The following DDX59 variants were observed in gnomAD, a reference collection of about 807,000 sequenced individuals.
DDX59 encodes the protein probable ATP-dependent RNA helicase DDX59.
A neutral mutation model predicts 51.9 loss-of-function variants in DDX59; 30 were observed. The observed-to-expected ratio is 0.58, with a 90% CI of 0.43 to 0.78. DDX59 has a LOEUF of 0.78. DDX59 is among the 30% of genes least tolerant of loss of function. DDX59 has a pLI of 0.00. For synonymous variants in DDX59, 255 were observed against 253.3 expected (o/e 1.01, Z -0.06); for missense variants, 672 against 730.8 (o/e 0.92, Z 0.93).
chr1:200,660,814 C>T (rs373293102), intron 3 of DDX59, among the ~76,000 whole-genome samples: 4 of 152,132 alleles, frequency 2.6e-5, no homozygotes, highest in Non-Finnish European at 2.9e-5. Flanking sequence ...CAACCAAACA[C>T]GGACCAACAA....
chr1:200,645,127 G>T (rs1224624588), intron 7 of DDX59, among the ~76,000 whole-genome samples: 1 of 152,128 alleles, frequency 6.6e-6, no homozygotes, highest in Non-Finnish European at 1.5e-5. Context: ...GGTGTTGGGG[G>T]TAATGACATA....
Position 200,665,184 on chromosome 1 carries a change from G to A in DDX59, c.804+753C>T, listed in dbSNP as rs143464544. Among the ~76,000 whole-genome samples the A allele has an allele frequency of 5.3e-3, 804 of 152,248 alleles. 10 individuals carry two copies. Among genetic ancestry groups the A allele is most frequent in the African/African-American group, 0.018 (759 of 41,548 alleles). On this transcript the variant is annotated intron_variant, in intron 2 of 7. Coordinates refer to ENST00000331314, the MANE Select transcript of DDX59 (RefSeq NM_001031725.6). ...AAGAGTATATTTTGAGGCTAGGTGCGGTGGCTCATGCCTGCAATCCCAGCA... is the reference window on the plus strand; with the variant it reads ...AAGAGTATATTTTGAGGCTAGGTGCAGTGGCTCATGCCTGCAATCCCAGCA...
chr1:200,665,149 G>T (rs1007797713), intron 2 of DDX59, among the ~76,000 whole-genome samples: 6 of 152,178 alleles, frequency 3.9e-5, no homozygotes, highest in Non-Finnish European at 8.8e-5. Context: ...ATGAACCATA[G>T]ATCACATTTA....
chr1:200,643,572 G>A (rs779115957), downstream of DDX59, among the ~76,000 whole-genome samples: 1 of 152,184 alleles, frequency 6.6e-6, no homozygotes, highest in East Asian at 1.9e-4. Flanking sequence ...GAACCCAGGA[G>A]GCAGAGCTTG....
intron 4 of DDX59, among the ~76,000 whole-genome samples, chr1:200,655,833 A>ATT (rs879811363): frequency 5.9e-4 from 86 of 145,056 alleles, no homozygotes; most frequent in African/African-American, 1.9e-3. Flanking sequence ...ATACAGTCCA[A>ATT]TTTTTTTTTT....
chr1:200,657,475 T>C (rs995859965), intron 4 of DDX59, among the ~76,000 whole-genome samples: 2 of 151,526 alleles, frequency 1.3e-5, no homozygotes, highest in Non-Finnish European at 2.9e-5. Flanking sequence ...TTTGGGCGGG[T>C]GCAGTGGCTC....
intron 1 of DDX59, among the ~76,000 whole-genome samples, chr1:200,667,568 G>A (rs1430331983): frequency 2.6e-5 from 4 of 152,084 alleles, no homozygotes; most frequent in South Asian, 2.1e-4. Flanking sequence ...GTCTATTTCC[G>A]TTTACTGATT....
intron 1 of DDX59, among the ~76,000 whole-genome samples, chr1:200,667,220 T>C (rs1045948464): frequency 3.9e-5 from 6 of 151,924 alleles, no homozygotes; most frequent in Non-Finnish European, 8.8e-5. Flanking sequence ...CTGGCCAATA[T>C]GGTGAAACCC....
At chr1:200,668,105 T>C (rs905689081) in intron 1 of DDX59, among the ~76,000 whole-genome samples, 7 of 152,048 alleles carry the variant, frequency 4.6e-5, no homozygotes, top group East Asian at 1.9e-4. Context: ...AAGACCATCC[T>C]GGCTAACACG....
rs114430742 is a variant in DDX59 at position 200,648,294 on chromosome 1, G to A, written c.1596+145C>T. ...TCCATCCATTTCGAGTGATCTGCCC[G>A]CGATGGCCTTCCAAAGTGCTGGGAT... is the stretch of plus-strand genomic sequence containing the variant. On this transcript the variant is annotated intron_variant, in intron 7 of 7. Coordinates refer to ENST00000331314, the MANE Select transcript of DDX59 (RefSeq NM_001031725.6). The A allele has an allele frequency of 2.1e-3, 2,274 of 1,085,842 alleles. 40 individuals are homozygous for A. In the African/African-American group the frequency reaches 0.031, roughly 15 times the overall value. 67.3% of individuals were successfully genotyped at this position (1,085,842 alleles called of 1,614,324 possible).
downstream of DDX59, among the ~76,000 whole-genome samples, chr1:200,641,859 T>TG (rs1202700250): frequency 3.3e-5 from 5 of 152,034 alleles, no homozygotes; most frequent in Non-Finnish European, 7.4e-5. Context: ...AAAAATTAGC[T>TG]GGGCGTGGTG....
In DDX59 at chr1:200,661,564, AAAGT is replaced by A. The variant is rs1321414386; in HGVS notation, c.972+2351_972+2354del. Among the ~76,000 whole-genome samples the A allele has an allele frequency of 9.8e-5, 15 of 152,364 alleles. 1 individual carries two copies. The South Asian group carries it at 2.1e-3, about 21-fold the overall frequency. ...TCTAATCAAATGAGGGATGTTCTTC[AAAGT>A]AAGTGGCTTGTAAACCTTAAAAGGG... On this transcript the variant is annotated intron_variant, in intron 3 of 7. Coordinates refer to ENST00000331314, the MANE Select transcript of DDX59 (RefSeq NM_001031725.6).
At chr1:200,668,064 C>T (rs922992660) in intron 1 of DDX59, among the ~76,000 whole-genome samples, 3 of 151,864 alleles carry the variant, frequency 2.0e-5, no homozygotes, top group South Asian at 2.1e-4. Flanking sequence ...TTTGGGAGGC[C>T]GAGGCGGGCG....
chr1:200,645,352 C>G (rs562280005), intron 7 of DDX59, among the ~76,000 whole-genome samples: 1 of 152,206 alleles, frequency 6.6e-6, no homozygotes, highest in Admixed American at 6.5e-5. Flanking sequence ...AATGTCGGCT[C>G]ACTGCAACCT....
At chr1:200,654,430 A>T (rs1472011486) in intron 4 of DDX59, 1 of 152,070 alleles carries the variant, frequency 6.6e-6, no homozygotes, top group African/African-American at 2.4e-5. Context: ...GAAAAAAAAC[A>T]AAAGGATCAC....
chr1:200,651,648 A>T (rs577371336), intron 4 of DDX59, among the ~76,000 whole-genome samples: 1 of 152,340 alleles, frequency 6.6e-6, no homozygotes, highest in East Asian at 1.9e-4. Context: ...GCTTTCACTT[A>T]TATTTTTCTA....
Position 200,669,892 on chromosome 1 carries a change from T to TGGAGC in DDX59, c.-138_-137insGCTCC, listed in dbSNP as rs1362728374. Reference sequence around the variant, plus strand: ...CGTCAGGACTGCGGCCCGGGGTTGGTGGTGCGGAGCGGAGCGGAGCGGAGC... The same window carrying TGGAGC: ...CGTCAGGACTGCGGCCCGGGGTTGGTGGAGCGGTGCGGAGCGGAGCGGAGCGGAGC... On this transcript the variant is annotated 5_prime_UTR_variant, in exon 1 of 8. Coordinates refer to ENST00000331314, the MANE Select transcript of DDX59 (RefSeq NM_001031725.6). The TGGAGC allele has an allele frequency of 6.2e-5, 4 of 64,806 alleles. No homozygotes were observed. Among genetic ancestry groups the TGGAGC allele is most frequent in the African/African-American group, 2.0e-4 (4 of 19,908 alleles). 4.0% of individuals were successfully genotyped at this position (64,806 alleles called of 1,614,324 possible).
intron 3 of DDX59, among the ~76,000 whole-genome samples, chr1:200,660,339 T>C (rs1031822931): frequency 1.3e-5 from 2 of 152,212 alleles, no homozygotes; most frequent in East Asian, 3.9e-4. Context: ...AGGGCAACTT[T>C]GCTGAACAGA....
At chr1:200,648,366 G>T in intron 7 of DDX59, 73 bp downstream of exon 7, 1 of 1,587,388 alleles carries the variant, frequency 6.3e-7, no homozygotes, top group South Asian at 1.1e-5. Context: ...TCTTAAACTT[G>T]GTTATCACAT....
Sources: allele counts gnomAD v4.1 joint callset (sites outside exome capture counted in the v4.1 genomes callset), GRCh38; gene constraint gnomAD v4.1.1; transcripts MANE v1.5; gene names NCBI Gene and HGNC (gene_info 2026-07-23, HGNC 2026-07-21).